Variants in MST1R observed in about 807,000 individuals in gnomAD.
MST1R encodes macrophage stimulating 1 receptor, also known as macrophage-stimulating protein receptor.
In MST1R, 99 loss-of-function variants were observed where a neutral mutation model predicts 117.8. The observed-to-expected ratio is 0.84, with a 90% CI of 0.71 to 0.99. The LOEUF is 0.99. Ranked by LOEUF, MST1R falls within the 50% of genes least tolerant of loss-of-function variation. MST1R has a pLI of 0.00. For missense variants in MST1R, 1,683 were observed against 1,840.2 expected, an observed-to-expected ratio of 0.91 and a Z score of 1.56; for synonymous variants, 734 against 765.3, an observed-to-expected ratio of 0.96 and a Z score of 0.68.
Position 49,887,352 on chromosome 3 carries a change from A to T in MST1R, c.4158T>A (p.Asn1386Lys), listed in dbSNP as rs1384015654. The T allele has an allele frequency of 6.2e-7, 1 of 1,614,214 alleles. No homozygotes were observed. The highest frequency in any genetic ancestry group is 1.3e-5 in the African/African-American group (1 of 75,056). Reference sequence around the variant, plus strand: ...CTGAGAGTGGCCGGGGCCGGCGTACATTCCCTGGCATGGGTGAGAACTGCG... The same window carrying T: ...CTGAGAGTGGCCGGGGCCGGCGTACTTTCCCTGGCATGGGTGAGAACTGCG... ...EQPQFSPMPG[N>K]VRRPRPLSEP... The change falls in exon 20 of 20, where the codon AAT becomes AAA. Residue 1386 changes from asparagine (N) to lysine (K), a missense_variant. Coordinates refer to ENST00000296474, the MANE Select transcript of MST1R (RefSeq NM_002447.4).
chr3:49,901,573 G>A (rs534855765), intron 1 of MST1R, among the ~76,000 whole-genome samples: 71 of 152,206 alleles, frequency 4.7e-4, no homozygotes, highest in Admixed American at 7.8e-4. Flanking sequence ...ATAGTTGCTT[G>A]CACAAGACTA....
At position 49,897,663 on chromosome 3, in the gene MST1R, CA is replaced by C; in HGVS notation, c.1902del (p.Phe634LeufsTer2). On this transcript the variant is annotated frameshift_variant, in exon 6 of 20. Coordinates refer to ENST00000296474, the MANE Select transcript of MST1R (RefSeq NM_002447.4). LOFTEE classifies it high-confidence loss of function. ...SKLRPVPRKD[F>X]VEEFECELEP... ...TCCAGTTCACACTCAAACTCCTCTA[CA>C]AAGTCTTTCCGGGGCACTGGTCTGG... is the stretch of plus-strand genomic sequence containing the variant. The C allele has an allele frequency of 1.9e-6, 3 of 1,613,384 alleles. No homozygotes were observed. The highest frequency in any genetic ancestry group is 8.5e-7 in the Non-Finnish European group (1 of 1,179,598).
intron 19 of MST1R, 98 bp downstream of exon 19, chr3:49,889,826 A>G (rs1575421830): frequency 6.8e-7 from 1 of 1,467,700 alleles, no homozygotes; most frequent in East Asian, 2.3e-5. Flanking sequence ...CTAGTCAACC[A>G]GAAGTTCAGT....
In MST1R at chr3:49,895,947, G is replaced by A. The variant is rs751716410; in HGVS notation, c.2796+14C>T. 2.6e-6 allele frequency: 4 copies of A among 1,567,010 alleles called. No homozygotes were observed. In the Admixed American group the frequency reaches 7.1e-5, roughly 28 times the overall value. ...TGCCCGTGTTTCCCAGGGAGGTCCAGCTGGGCTGCCTACCTGCAATGGGGC... is the reference window on the plus strand; with the variant it reads ...TGCCCGTGTTTCCCAGGGAGGTCCAACTGGGCTGCCTACCTGCAATGGGGC... On this transcript the variant is annotated intron_variant, in intron 11 of 19. Transcript: ENST00000296474.
chr3:49,901,926 G>C (rs2082690215), intron 1 of MST1R, among the ~76,000 whole-genome samples: 2 of 148,182 alleles, frequency 1.3e-5, no homozygotes, highest in African/African-American at 5.0e-5. Flanking sequence ...TTTGTGCGTG[G>C]TGGTGGTGGT....
rs1417800973 is a variant in MST1R, at chr3:49,895,164, C to A, written c.3271+3G>T. On this transcript the variant is annotated splice_donor_region_variant and intron_variant, in intron 14 of 19. Coordinates refer to ENST00000296474, the MANE Select transcript of MST1R (RefSeq NM_002447.4). ...CTGCCCCAGCCCCACCTGGCCCCCA[C>A]ACCTTTGCCAATGACTCGGTCACTG... 6.2e-7 allele frequency: 1 copy of A among 1,613,746 alleles called. No individual in the cohort carries two copies. The highest frequency in any genetic ancestry group is 1.3e-5 in the African/African-American group (1 of 74,930).
chr3:49,889,939 T>C lies in MST1R; in HGVS notation c.3932A>G (p.Tyr1311Cys). The C allele has an allele frequency of 6.2e-7, 1 of 1,614,040 alleles. No homozygotes were observed. Among genetic ancestry groups the C allele is most frequent in the Non-Finnish European group, 8.5e-7 (1 of 1,179,994 alleles). The stretch of plus-strand genomic sequence containing the variant: ...ACATACTCACAGAGAATCAGGGCAA[T>C]ACTCAGGCTGGGGCAGGCGCCGACC... ...AQGRRLPQPE[Y>C]CPDSLYQVMQ... Residue 1311 changes from tyrosine to cysteine, a missense_variant, in exon 19 of 20, where the codon TAT (tyrosine) becomes TGT (cysteine). Transcript: ENST00000296474.
rs770746168 is a variant in MST1R at position 49,895,875 on chromosome 3, G to A, written c.2802C>T (p.Cys934=). 6.2e-6 allele frequency: 10 copies of A among 1,600,254 alleles called. No homozygotes were observed. The highest frequency in any genetic ancestry group is 1.3e-5 in the African/African-American group (1 of 74,692). The change falls in exon 12 of 20, where the codon TGC becomes TGT. Residue 934 remains cysteine (C), a synonymous_variant. Coordinates refer to ENST00000296474, the MANE Select transcript of MST1R (RefSeq NM_002447.4). ...CCAGGATATGACATTCACCATCTAC[G>A]CAGACCTGGGGGCAGGTGGCAACTC... The part of the protein sequence containing the change: ...LGQDGAPLQV[C]VDGECHILGR...
At chr3:49,899,051 G>A (rs1263656522) in intron 2 of MST1R, 24 bp downstream of exon 2, 1 of 1,614,006 alleles carries the variant, frequency 6.2e-7, no homozygotes, top group Admixed American at 1.7e-5. Context: ...CCAGGGCTAG[G>A]GGACTGTGGG....
At chr3:49,899,557 CATCT>C in intron 1 of MST1R, 1 of 168,174 alleles carries the variant, frequency 5.9e-6, no homozygotes, top group Non-Finnish European at 1.1e-5. Context: ...CCACCCCGTA[CATCT>C]TTTTTTTTTT....
In MST1R at chr3:49,898,184, C is replaced by A; in HGVS notation, c.1747G>T (p.Gly583Cys). The change falls in exon 5 of 20, where the codon GGC becomes TGC. Residue 583 changes from glycine (G) to cysteine (C), a missense_variant. Physicochemically the swap from Gly to Cys is radical, Grantham distance 159. Transcript: ENST00000296474. ...EFHPHSGPLR[G>C]STRLTLCGSN... The stretch of plus-strand genomic sequence containing the variant: ...CCACACAGGGTCAGCCTTGTACTGC[C>A]CCTTAGAGGTCCACTGTGGGGGTGG... 1.2e-6 allele frequency: 2 copies of A among 1,613,874 alleles called. No individual in the cohort carries two copies. The highest frequency in any genetic ancestry group is 1.7e-6 in the Non-Finnish European group (2 of 1,180,018).
In MST1R at chr3:49,898,522, G is replaced by A. The variant is rs1559479162; in HGVS notation, c.1715C>T (p.Thr572Ile). 6.2e-7 allele frequency: 1 copy of A among 1,613,532 alleles called. No homozygotes were observed. The highest frequency in any genetic ancestry group is 8.5e-7 in the Non-Finnish European group (1 of 1,179,872). Residue 572 changes from threonine to isoleucine, a missense_variant, in exon 4 of 20, where the codon ACT becomes ATT. By Grantham distance (89) the Thr-to-Ile change is moderately conservative. Transcript: ENST00000296474. The part of the protein sequence containing the change: ...WQQDHCPPKL[T>I]EFHPHSGPLR... ...GCCCTGCCAGGGAAGCCATACCTCA[G>A]TAAGCTTAGGTGGGCAGTGGTCCTG...
intron 14 of MST1R, among the ~76,000 whole-genome samples, chr3:49,894,250 A>AAAAAT (rs1242835612): frequency 2.7e-5 from 4 of 149,712 alleles, no homozygotes; most frequent in South Asian, 2.1e-4. Context: ...GAATAAAAAT[A>AAAAAT]AAAATAAAAT....
At position 49,887,231 on chromosome 3, in the gene MST1R, C is replaced by T. The variant is rs770392356; in HGVS notation, c.*76G>A. ...CAGGAACAAGGTGGAGGGCCACTGC[C>T]CTCTGGCCTGGCATGGCCCAGAGGC... On this transcript the variant is annotated 3_prime_UTR_variant, in exon 20 of 20. Coordinates refer to ENST00000296474, the MANE Select transcript of MST1R (RefSeq NM_002447.4). The T allele has an allele frequency of 5.1e-6, 8 of 1,576,386 alleles. No individual in the cohort carries two copies. Among genetic ancestry groups the T allele is most frequent in the Non-Finnish European group, 6.0e-6 (7 of 1,159,408 alleles).
Position 49,897,504 on chromosome 3 carries a change from G to A in MST1R, c.2046+16C>T. ...ATGCACTGGCCAAGGGCACAGACAG[G>A]GCAAGGTAGCCTCACCATGAAAGAG... On this transcript the variant is annotated intron_variant, in intron 6 of 19. Coordinates refer to ENST00000296474, the MANE Select transcript of MST1R (RefSeq NM_002447.4). 2 of 1,612,396 alleles carry A rather than the reference G, an allele frequency of 1.2e-6. No individual in the cohort carries two copies. The highest frequency in any genetic ancestry group is 2.2e-5 in the East Asian group (1 of 44,872).
At chr3:49,893,313 A>G (rs2108407585) in intron 14 of MST1R, among the ~76,000 whole-genome samples, 1 of 149,308 alleles carries the variant, frequency 6.7e-6, no homozygotes, top group African/African-American at 2.5e-5. Flanking sequence ...ATAAATAAAT[A>G]AATAAATAGG....
intron 1 of MST1R, among the ~76,000 whole-genome samples, chr3:49,901,785 G>C (rs2082685444): frequency 6.6e-6 from 1 of 151,746 alleles, no homozygotes; most frequent in Admixed American, 6.6e-5. Context: ...GGGGGGAGGG[G>C]GTGTGGAGGA....
Position 49,899,261 on chromosome 3 carries a change from A to G in MST1R, c.1233T>C (p.Pro411=), listed in dbSNP as rs2082587075. 6.2e-7 allele frequency: 1 copy of G among 1,613,780 alleles called. No individual in the cohort carries two copies. The highest frequency in any genetic ancestry group is 1.3e-5 in the African/African-American group (1 of 74,930). The change falls in exon 2 of 20, where the codon CCT becomes CCC. Residue 411 remains proline (P), a splice_region_variant and synonymous_variant. Coordinates refer to ENST00000296474, the MANE Select transcript of MST1R (RefSeq NM_002447.4). The stretch of plus-strand genomic sequence containing the variant: ...TGTTGGGGCTGAGGGCTTCCAGGCC[A>G]GGCTGGGAAAGGTCAGGGAAGGGAA... ...FQSPSFCPNP[P]GLEALSPNTS...
intron 1 of MST1R, among the ~76,000 whole-genome samples, chr3:49,900,114 G>A (rs189845578): frequency 2.0e-5 from 3 of 152,322 alleles, no homozygotes; most frequent in African/African-American, 7.2e-5. Flanking sequence ...CCAGCACAAG[G>A]TTGGGGACAT....
Sources: allele counts gnomAD v4.1 joint callset (sites outside exome capture counted in the v4.1 genomes callset), GRCh38; gene constraint gnomAD v4.1.1; transcripts MANE v1.5; gene names NCBI Gene and HGNC (gene_info 2026-07-23, HGNC 2026-07-21).